Variants in LRCH1 observed in about 807,000 individuals in gnomAD.
LRCH1 encodes the protein leucine-rich repeat and calponin homology domain-containing protein 1.
LRCH1 carries 23 observed loss-of-function variants against 94.9 expected under a neutral mutation model. The ratio of observed to expected loss-of-function variants is 0.24; its 90% CI spans 0.17 to 0.34. LRCH1 has a LOEUF of 0.34. LRCH1 is among the 10% of genes least tolerant of loss of function. LRCH1 has a pLI of 1.00. For missense variants in LRCH1, 790 were observed against 945.9 expected, an observed-to-expected ratio of 0.84 and a Z score of 2.16; for synonymous variants, 364 against 354.9, an observed-to-expected ratio of 1.03 and a Z score of -0.29.
chr13:46,707,155 C>T (rs912241477), intron 13 of LRCH1, among the ~76,000 whole-genome samples: 2 of 152,150 alleles, frequency 1.3e-5, no homozygotes, highest in Non-Finnish European at 2.9e-5. Context: ...GTTGCAGATA[C>T]TGCATTTGAT....
At chr13:46,648,406 C>G (rs1429743456) in intron 1 of LRCH1, among the ~76,000 whole-genome samples, 1 of 152,200 alleles carries the variant, frequency 6.6e-6, no homozygotes, top group Non-Finnish European at 1.5e-5. Context: ...ATATGTATGT[C>G]TCTTGACCCA....
chr13:46,725,597 G>C (rs1430040177), intron 17 of LRCH1, among the ~76,000 whole-genome samples: 1 of 152,144 alleles, frequency 6.6e-6, no homozygotes, highest in Non-Finnish European at 1.5e-5. Flanking sequence ...AATGAGCAGT[G>C]AGCCCTATAA....
At chr13:46,687,576 C>T (rs1321798447) in intron 5 of LRCH1, among the ~76,000 whole-genome samples, 1 of 151,996 alleles carries the variant, frequency 6.6e-6, no homozygotes, top group African/African-American at 2.4e-5. Context: ...ATTTTTTATA[C>T]TATATATACT....
At chr13:46,724,433 G>A (rs891362232) in intron 17 of LRCH1, among the ~76,000 whole-genome samples, 1 of 152,096 alleles carries the variant, frequency 6.6e-6, no homozygotes, top group Admixed American at 6.6e-5. Context: ...ACCCCAAACC[G>A]ACCAGAGATT....
chr13:46,705,579 C>T (rs1334281971), intron 13 of LRCH1: 2 of 576,668 alleles, frequency 3.5e-6, no homozygotes, highest in Non-Finnish European at 6.3e-6. Flanking sequence ...CTGAGTCAAG[C>T]GATGGCAACT....
rs953463681 is a variant in LRCH1, at chr13:46,742,151, C to T, written c.*303C>T. The T allele has an allele frequency of 1.6e-6, 2 of 1,214,528 alleles. No individual in the cohort carries two copies. The highest frequency in any genetic ancestry group is 4.0e-5 in the Admixed American group (1 of 25,246). 75.2% of individuals were successfully genotyped at this position (1,214,528 alleles called of 1,614,324 possible). On this transcript the variant is annotated 3_prime_UTR_variant, in exon 20 of 20. Coordinates refer to ENST00000389797, the MANE Select transcript of LRCH1 (RefSeq NM_001164211.2). ...GTGCCACGCAGTTCCTCCTCTCCCT[C>T]CCGGTGAGCTGCTGCCCTGGGCAGA...
At chr13:46,633,359 C>T (rs1047065843) in intron 1 of LRCH1, among the ~76,000 whole-genome samples, 1 of 152,098 alleles carries the variant, frequency 6.6e-6, no homozygotes, top group East Asian at 1.9e-4. Context: ...CGTGTTGGTT[C>T]CTAAAAAGTG....
chr13:46,727,749 T>C (rs988557918), intron 17 of LRCH1, among the ~76,000 whole-genome samples: 4 of 152,174 alleles, frequency 2.6e-5, no homozygotes, highest in Non-Finnish European at 2.9e-5. Context: ...TTGTTACCAT[T>C]GAAGGAAATT....
intron 1 of LRCH1, among the ~76,000 whole-genome samples, chr13:46,573,410 A>G (rs901262902): frequency 6.6e-6 from 1 of 152,200 alleles, no homozygotes; most frequent in African/African-American, 2.4e-5. Flanking sequence ...TCAGTACAGC[A>G]AAGAGATATC....
chr13:46,644,804 T>C (rs1387507948), intron 1 of LRCH1, among the ~76,000 whole-genome samples: 3 of 152,214 alleles, frequency 2.0e-5, no homozygotes, highest in East Asian at 1.9e-4. Flanking sequence ...GAATGTATAA[T>C]GTGTAGCCTG....
intron 1 of LRCH1, among the ~76,000 whole-genome samples, chr13:46,626,716 T>C (rs953410503): frequency 6.6e-6 from 1 of 152,220 alleles, no homozygotes; most frequent in African/African-American, 2.4e-5. Flanking sequence ...AAAGGTAGCA[T>C]AATACAATTT....
intron 1 of LRCH1, among the ~76,000 whole-genome samples, chr13:46,626,449 T>C (rs2050950915): frequency 6.6e-6 from 1 of 152,258 alleles, no homozygotes; most frequent in Non-Finnish European, 1.5e-5. Flanking sequence ...CAATGTACTT[T>C]GTAATCTCCC....
intron 1 of LRCH1, among the ~76,000 whole-genome samples, chr13:46,637,711 A>G (rs561450599): frequency 1.0e-5 from 1 of 95,788 alleles, no homozygotes; most frequent in Admixed American, 1.2e-4. Context: ...CGCACTTCGT[A>G]GTTTTTTTTT....
At chr13:46,628,846 A>T (rs2050984068) in intron 1 of LRCH1, among the ~76,000 whole-genome samples, 1 of 152,082 alleles carries the variant, frequency 6.6e-6, no homozygotes, top group East Asian at 1.9e-4. Flanking sequence ...CCAACTCCTG[A>T]GTTATGGCGT....
chr13:46,608,448 G>T (rs1047212194), intron 1 of LRCH1, among the ~76,000 whole-genome samples: 5 of 152,124 alleles, frequency 3.3e-5, no homozygotes, highest in African/African-American at 1.2e-4. Context: ...AGACAGAATT[G>T]GAGTAATTTC....
At chr13:46,569,600 C>G (rs2050220179) in intron 1 of LRCH1, among the ~76,000 whole-genome samples, 1 of 152,136 alleles carries the variant, frequency 6.6e-6, no homozygotes, top group Non-Finnish European at 1.5e-5. Context: ...CCAGACCCCT[C>G]CTGTGGCTCT....
chr13:46,669,194 T>TTGAC (rs1442556217), intron 3 of LRCH1, 38 bp downstream of exon 3: 3 of 1,608,752 alleles, frequency 1.9e-6, no homozygotes, highest in Non-Finnish European at 2.5e-6. Context: ...TTTTTGTTGG[T>TTGAC]TGACTGATCA....
chr13:46,591,056 G>C (rs1343367993), intron 1 of LRCH1, among the ~76,000 whole-genome samples: 1 of 151,840 alleles, frequency 6.6e-6, no homozygotes, highest in Admixed American at 6.6e-5. Flanking sequence ...AAAGAGCTCA[G>C]AATATCGGTG....
chr13:46,640,133 G>T (rs1314732275), intron 1 of LRCH1, among the ~76,000 whole-genome samples: 1 of 152,190 alleles, frequency 6.6e-6, no homozygotes, highest in Non-Finnish European at 1.5e-5. Flanking sequence ...TACTAATTTA[G>T]TGGAAAGAGA....
Sources: allele counts gnomAD v4.1 joint callset (sites outside exome capture counted in the v4.1 genomes callset), GRCh38; gene constraint gnomAD v4.1.1; transcripts MANE v1.5; gene names NCBI Gene and HGNC (gene_info 2026-07-23, HGNC 2026-07-21).